Variants in HPS3 observed in about 807,000 individuals in gnomAD.
The protein encoded by HPS3 is HPS3 biogenesis of lysosomal organelles complex 2 subunit 1.
A neutral mutation model predicts 110.9 loss-of-function variants in HPS3; 79 were observed. The observed-to-expected ratio is 0.71, with a 90% CI of 0.59 to 0.86. HPS3 has a LOEUF of 0.86. Among genes scored for constraint, HPS3 ranks in the 40% least tolerant of loss-of-function variants. HPS3 has a pLI of 0.00. For synonymous variants in HPS3, 428 were observed against 451.0 expected (o/e 0.95, Z 0.65); for missense variants, 1,197 against 1,206.2 (o/e 0.99, Z 0.11).
chr3:149,162,373 A>G, intron 12 of HPS3, 40 bp downstream of exon 12: 1 of 1,574,186 alleles, frequency 6.4e-7, no homozygotes. Context: ...GGATGGCCTC[A>G]TTAAATTGGT....
At chr3:149,159,305 G>A (rs1723648530) in intron 10 of HPS3, among the ~76,000 whole-genome samples, 1 of 152,180 alleles carries the variant, frequency 6.6e-6, no homozygotes, top group African/African-American at 2.4e-5. Flanking sequence ...GCTAGTATCT[G>A]TAATTCCAAC....
At chr3:149,130,361 T>G (rs908656687) in intron 1 of HPS3, 3 of 185,212 alleles carry the variant, frequency 1.6e-5, no homozygotes, top group Non-Finnish European at 3.4e-5. Context: ...TTAACAATTA[T>G]TCCAACTCTT....
At chr3:149,153,882 A>C (rs1723285923) in intron 7 of HPS3, 6 of 559,016 alleles carry the variant, frequency 1.1e-5, no homozygotes, top group Non-Finnish European at 1.9e-5. Flanking sequence ...AGTAAAAATC[A>C]AAGGTGTTTT....
chr3:149,162,225 G>A lies in HPS3; in HGVS notation c.2184G>A (p.Glu728=), dbSNP rs923307264. The A allele has an allele frequency of 1.2e-6, 2 of 1,614,012 alleles. No homozygotes were observed. The highest frequency in any genetic ancestry group is 1.3e-5 in the African/African-American group (1 of 75,028). The change falls in exon 12 of 17, where the codon GAG becomes GAA. Residue 728 remains glutamate, a synonymous_variant. Coordinates refer to ENST00000296051, the MANE Select transcript of HPS3 (RefSeq NM_032383.5). ...QQRKGQIVPT[E]LALHLKETQP... ...GAAAGGGACAGATTGTTCCAACCGA[G>A]CTTGCACTTCACTTGAAGGAAACTC...
rs1456789926 is a variant in HPS3 at position 149,140,106 on chromosome 3, G to A, written c.320G>A (p.Arg107Gln). 4 of 1,613,284 alleles carry A rather than the reference G, an allele frequency of 2.5e-6. No homozygotes were observed. The highest frequency in any genetic ancestry group is 2.5e-6 in the Non-Finnish European group (3 of 1,179,638). ...ACTGAAAACTCTCGTGTGTGTATCC[G>A]AATGATTGGGCATAATGTGGAGGGA... is the stretch of plus-strand genomic sequence containing the variant. ...KRTENSRVCI[R>Q]MIGHNVEGPF... The change falls in exon 2 of 17, where the codon CGA becomes CAA. Residue 107 changes from arginine to glutamine, a missense_variant. Physicochemically the swap from Arg to Gln is conservative, Grantham distance 43. Coordinates refer to ENST00000296051, the MANE Select transcript of HPS3 (RefSeq NM_032383.5).
chr3:149,159,854 CTT>C (rs1181403799), intron 10 of HPS3, among the ~76,000 whole-genome samples, 190 bp from the exon 11 acceptor site: 1 of 152,166 alleles, frequency 6.6e-6, no homozygotes, highest in Non-Finnish European at 1.5e-5. Context: ...GCAAAGATCA[CTT>C]CAGGTTATCT....
At chr3:149,134,830 A>C (rs1721992028) in intron 1 of HPS3, among the ~76,000 whole-genome samples, 1 of 152,226 alleles carries the variant, frequency 6.6e-6, no homozygotes, top group African/African-American at 2.4e-5. Context: ...ATCACGGGTC[A>C]TGTAGCTCAA....
intron 14 of HPS3, 126 bp from the exon 15 acceptor site, chr3:149,166,908 T>C: frequency 1.3e-6 from 1 of 759,680 alleles, no homozygotes; most frequent in Non-Finnish European, 2.4e-6. Context: ...GCATGTGCTC[T>C]AATATGGCAT....
intron 1 of HPS3, among the ~76,000 whole-genome samples, chr3:149,139,493 C>G (rs922167353): frequency 6.6e-6 from 1 of 152,162 alleles, no homozygotes; most frequent in Non-Finnish European, 1.5e-5. Flanking sequence ...TAAGTTAAAA[C>G]TTATACAATC....
At chr3:149,131,417 T>G (rs1721771149) in intron 1 of HPS3, among the ~76,000 whole-genome samples, 1 of 152,154 alleles carries the variant, frequency 6.6e-6, no homozygotes, top group African/African-American at 2.4e-5. Context: ...GTCTCTTGAG[T>G]CACATTTTGA....
chr3:149,168,215 A>G (rs1724623535), intron 16 of HPS3: 1 of 481,300 alleles, frequency 2.1e-6, no homozygotes, highest in Admixed American at 3.6e-5. Context: ...ACACTTAACA[A>G]ATTATCACAG....
chr3:149,168,121 C>T (rs1724615927), intron 16 of HPS3, 138 bp downstream of exon 16: 4 of 650,854 alleles, frequency 6.1e-6, no homozygotes, highest in Non-Finnish European at 1.1e-5. Context: ...TTATTTTCAG[C>T]ATTCACGTAC....
intron 1 of HPS3, among the ~76,000 whole-genome samples, chr3:149,138,239 T>A (rs556173114): frequency 6.6e-6 from 1 of 152,304 alleles, no homozygotes; most frequent in South Asian, 2.1e-4. Context: ...GGAGGGAGCC[T>A]GGTCAGCCCA....
chr3:149,166,525 C>T (rs1285637430), intron 14 of HPS3, among the ~76,000 whole-genome samples: 1 of 152,092 alleles, frequency 6.6e-6, no homozygotes, highest in Non-Finnish European at 1.5e-5. Flanking sequence ...TTTTTTTACT[C>T]ATTTTATCAT....
rs1167453087 is a variant in HPS3 at position 149,151,587 on chromosome 3, TA to T, written c.1245+936del. Among the ~76,000 whole-genome samples the T allele has an allele frequency of 7.3e-3, 296 of 40,316 alleles. 2 individuals carry two copies. Among genetic ancestry groups the T allele is most frequent in the South Asian group, 0.021 (17 of 818 alleles). The allele number at this position is 40,316 out of a possible 152,430, so 26.4% of individuals were successfully genotyped here. A position where few individuals can be genotyped will look rare whatever the true frequency, so the allele number is the denominator to read the frequency against. On this transcript the variant is annotated intron_variant, in intron 6 of 16. Transcript: ENST00000296051. ...AGTGAGAAGTAAAGTGCTTGGTTTC[TA>T]AAAAAAAAAAAAAAAAAAAAAAAAA...
chr3:149,142,069 C>G (rs185610840), intron 4 of HPS3, among the ~76,000 whole-genome samples: 18 of 151,526 alleles, frequency 1.2e-4, no homozygotes, highest in Non-Finnish European at 1.5e-5. Flanking sequence ...AGGCTGGTCT[C>G]GAACTCCCGA....
chr3:149,137,371 G>A (rs1391392739), intron 1 of HPS3, among the ~76,000 whole-genome samples: 2 of 152,134 alleles, frequency 1.3e-5, no homozygotes, highest in East Asian at 3.8e-4. Context: ...AACGTTGCTG[G>A]TAGGAATGTA....
At chr3:149,170,027 C>A (rs1352197785) in intron 16 of HPS3, among the ~76,000 whole-genome samples, 1 of 152,122 alleles carries the variant, frequency 6.6e-6, no homozygotes, top group Non-Finnish European at 1.5e-5. Context: ...ATTTTCCCAA[C>A]CCTAAATCAG....
intron 6 of HPS3, among the ~76,000 whole-genome samples, chr3:149,151,489 T>C (rs930220299): frequency 6.6e-6 from 1 of 151,462 alleles, no homozygotes; most frequent in African/African-American, 2.4e-5. Flanking sequence ...ATTCTGTATT[T>C]TATAAGCCTT....
Sources: allele counts gnomAD v4.1 joint callset (sites outside exome capture counted in the v4.1 genomes callset), GRCh38; gene constraint gnomAD v4.1.1; transcripts MANE v1.5; gene names NCBI Gene and HGNC (gene_info 2026-07-23, HGNC 2026-07-21).